GALNT16: variants seen among roughly 807,000 people sequenced by gnomAD.
GALNT16 encodes the protein UDP-GalNAc:polypeptide N-acetylgalactosaminyltransferase-like protein 1.
In GALNT16, 40 loss-of-function variants were observed where a neutral mutation model predicts 76.1. The ratio of observed to expected loss-of-function variants is 0.53; its 90% CI spans 0.41 to 0.68. The LOEUF (loss-of-function observed/expected upper bound fraction) is 0.68. Among genes scored for constraint, GALNT16 ranks in the 30% least tolerant of loss-of-function variants. The pLI, the probability that GALNT16 is intolerant of heterozygous loss-of-function variation, is 0.00. For synonymous variants in GALNT16, 276 were observed against 285.2 expected (o/e 0.97, Z 0.32); for missense variants, 621 against 731.9 (o/e 0.85, Z 1.75).
chr14:69,279,479 A>G (rs1030782047), intron 1 of GALNT16, among the ~76,000 whole-genome samples: 1 of 152,242 alleles, frequency 6.6e-6, no homozygotes, highest in African/African-American at 2.4e-5. Context: ...AGTGTGTTCA[A>G]TAAATGTTAT....
At chr14:69,359,342 A>T (rs775064630), downstream of GALNT16, 1 of 152,246 alleles carries the variant, frequency 6.6e-6, no homozygotes, top group Non-Finnish European at 1.5e-5. Flanking sequence ...TTTGTCTTTT[A>T]ATGATAAAGC....
intron 9 of GALNT16, among the ~76,000 whole-genome samples, chr14:69,335,484 C>T (rs1236755097): frequency 6.6e-6 from 1 of 152,234 alleles, no homozygotes; most frequent in South Asian, 2.1e-4. Context: ...CTGGGAAACC[C>T]ACAGTCTCCT....
intron 1 of GALNT16, among the ~76,000 whole-genome samples, chr14:69,302,337 T>C (rs2044865833): frequency 6.6e-6 from 1 of 152,178 alleles, no homozygotes; most frequent in Non-Finnish European, 1.5e-5. Context: ...TAAAAAAAGA[T>C]TTCTCCAGTG....
chr14:69,265,951 G>A (rs767514742), intron 1 of GALNT16, among the ~76,000 whole-genome samples: 1 of 152,176 alleles, frequency 6.6e-6, no homozygotes, highest in Non-Finnish European at 1.5e-5. Context: ...TGGATGCTGT[G>A]TGTTTTACAG....
chr14:69,267,102 A>T (rs1163966282), intron 1 of GALNT16, among the ~76,000 whole-genome samples: 1 of 151,916 alleles, frequency 6.6e-6, no homozygotes, highest in Non-Finnish European at 1.5e-5. Context: ...TGTCTCCCAG[A>T]CCCCTGACTG....
intron 1 of GALNT16, among the ~76,000 whole-genome samples, chr14:69,300,117 T>G (rs948992397): frequency 2.0e-5 from 3 of 152,156 alleles, no homozygotes; most frequent in African/African-American, 7.2e-5. Context: ...CTCTGAAACT[T>G]GAAAAAACAA....
the GALNT16 span, among the ~76,000 whole-genome samples, chr14:69,363,677 T>TAATGAATGAATGAATG: frequency 0.084 from 12,730 of 151,912 alleles, 603 homozygotes; most frequent in Middle Eastern, 0.12. Context: ...AAGTGTGTGC[T>TAATGAATGAATGAATG]AATGAATGAA....
At chr14:69,289,566 G>T (rs554007327) in intron 1 of GALNT16, among the ~76,000 whole-genome samples, 3 of 152,264 alleles carry the variant, frequency 2.0e-5, no homozygotes, top group African/African-American at 7.2e-5. Context: ...CTCCACAGGG[G>T]CCTACAAGGA....
At chr14:69,376,206 A>G in the GALNT16 span, among the ~76,000 whole-genome samples, 1 of 152,106 alleles carries the variant, frequency 6.6e-6, no homozygotes, top group African/African-American at 2.4e-5. Flanking sequence ...CTGGCCTAAG[A>G]TCCATTTTTA....
chr14:69,384,018 GAA>G, the GALNT16 span, among the ~76,000 whole-genome samples: 3 of 151,946 alleles, frequency 2.0e-5, no homozygotes, highest in Non-Finnish European at 4.4e-5. Flanking sequence ...TACAAAGTTA[GAA>G]AAGTTATGTT....
chr14:69,269,842 G>T (rs967270750), intron 1 of GALNT16, among the ~76,000 whole-genome samples: 1 of 151,202 alleles, frequency 6.6e-6, no homozygotes, highest in Non-Finnish European at 1.5e-5. Context: ...TATGTGTCGG[G>T]GGTGTAGTGT....
chr14:69,283,419 T>C (rs1018840716), intron 1 of GALNT16, among the ~76,000 whole-genome samples: 3 of 152,196 alleles, frequency 2.0e-5, no homozygotes, highest in Non-Finnish European at 4.4e-5. Context: ...TGGTCTTTCA[T>C]AGTCTGCATC....
At chr14:69,358,445 C>T (rs2045705884), downstream of GALNT16, 1 of 152,476 alleles carries the variant, frequency 6.6e-6, no homozygotes, top group African/African-American at 2.4e-5. Context: ...CTTGGCCTCC[C>T]TGGGGGTGGG....
chr14:69,372,668 C>T, the GALNT16 span, among the ~76,000 whole-genome samples: 585 of 151,836 alleles, frequency 3.9e-3, 5 homozygotes, highest in Middle Eastern at 0.017. Context: ...GGATCTTCAG[C>T]CTTTTCTAAG....
chr14:69,299,304 C>T (rs1001140003), intron 1 of GALNT16, among the ~76,000 whole-genome samples: 3 of 152,222 alleles, frequency 2.0e-5, no homozygotes, highest in Admixed American at 6.5e-5. Context: ...GCTGTTCTCA[C>T]TTCATTTGCT....
chr14:69,386,283 GCT>G, the GALNT16 span, among the ~76,000 whole-genome samples: 1 of 152,172 alleles, frequency 6.6e-6, no homozygotes, highest in Non-Finnish European at 1.5e-5. Context: ...TCTCATCACT[GCT>G]CTTTCAACTT....
At chr14:69,372,279 C>G in the GALNT16 span, among the ~76,000 whole-genome samples, 1 of 152,058 alleles carries the variant, frequency 6.6e-6, no homozygotes, top group Non-Finnish European at 1.5e-5. Flanking sequence ...AGTGATCCAT[C>G]CACAGGCTCT....
downstream of GALNT16, among the ~76,000 whole-genome samples, chr14:69,360,717 C>A (rs191307983): frequency 3.3e-5 from 5 of 152,282 alleles, no homozygotes; most frequent in East Asian, 9.6e-4. Flanking sequence ...GAAATGCAAA[C>A]CCTTGGGCCC....
At chr14:69,368,188 T>C in the GALNT16 span, among the ~76,000 whole-genome samples, 1 of 152,196 alleles carries the variant, frequency 6.6e-6, no homozygotes, top group Non-Finnish European at 1.5e-5. Flanking sequence ...CCCTTGTGGG[T>C]TGAATAGAAA....
Sources: gnomAD v4.1 joint callset for allele counts (sites outside exome capture counted in the v4.1 genomes callset) on GRCh38, gnomAD v4.1.1 for gene constraint, MANE v1.5 for transcripts, NCBI Gene and HGNC (gene_info 2026-07-23, HGNC 2026-07-21) for gene names.